ZFYVE16: variants seen among roughly 807,000 people sequenced by gnomAD.
ZFYVE16 encodes zinc finger FYVE-type containing 16, also known as zinc finger FYVE domain-containing protein 16.
In ZFYVE16, 89 loss-of-function variants were observed where a neutral mutation model predicts 138.1. The observed-to-expected ratio is 0.64, with a 90% CI of 0.54 to 0.77. The LOEUF (loss-of-function observed/expected upper bound fraction) is 0.77. ZFYVE16 is among the 30% of genes least tolerant of loss of function. ZFYVE16 has a pLI of 0.00. For synonymous variants in ZFYVE16, 596 were observed against 618.3 expected (o/e 0.96, Z 0.53); for missense variants, 1,793 against 1,786.7 (o/e 1.00, Z -0.06).
At chr5:80,456,312 A>G in intron 12 of ZFYVE16, 149 bp from the exon 13 acceptor site, 1 of 573,006 alleles carries the variant, frequency 1.7e-6, no homozygotes, top group Non-Finnish European at 3.0e-6. Flanking sequence ...AAGTTCTGTA[A>G]CTAGAAAGTT....
intron 5 of ZFYVE16, chr5:80,441,073 GTTGTT>G: frequency 3.0e-6 from 3 of 985,332 alleles, no homozygotes; most frequent in Non-Finnish European, 3.6e-6. Flanking sequence ...AGTGCTTATA[GTTGTT>G]TTGTTTTTTC....
At position 80,448,048 on chromosome 5, in the gene ZFYVE16, C is replaced by T; in HGVS notation, c.2747C>T (p.Ser916Phe). 1.9e-6 allele frequency: 3 copies of T among 1,607,438 alleles called. No homozygotes were observed. The highest frequency in any genetic ancestry group is 2.5e-6 in the Non-Finnish European group (3 of 1,176,942). Residue 916 changes from serine (S) to phenylalanine (F), a missense_variant, in exon 8 of 19, where the codon TCC becomes TTC. By Grantham distance (155) the Ser-to-Phe change is radical. Around this residue, in one of 2 missense-constraint regions of ZFYVE16, gnomAD observed 1,295 missense variants for 1,204.3 expected, o/e 1.08. Transcript: ENST00000505560. Reference sequence around the variant, plus strand: ...CAGACAGTAAACACAGTGGATCATTCCCATTCTACTACAGTGGAAAAGCCA... The same window carrying T: ...CAGACAGTAAACACAGTGGATCATTTCCATTCTACTACAGTGGAAAAGCCA... ...VPMTVNTVDH[S>F]HSTTVEKPNN...
chr5:80,434,207 A>G lies in ZFYVE16; in HGVS notation c.60A>G (p.Glu20=), dbSNP rs776158955. 2 of 1,613,372 alleles carry G rather than the reference A, an allele frequency of 1.2e-6. No individual in the cohort carries two copies. Among genetic ancestry groups the G allele is most frequent in the East Asian group, 2.2e-5 (1 of 44,814 alleles). ...SDLDKLLDDF[E]QNPDEQDYLQ... ...TGGACAAACTCCTTGATGATTTTGA[A>G]CAGAACCCAGGTTTGTTGATTTTCC... The change falls in exon 3 of 19, where the codon GAA becomes GAG. Residue 20 remains glutamate, a synonymous_variant. Transcript: ENST00000505560.
chr5:80,477,146 A>G, intron 18 of ZFYVE16, 73 bp from the exon 19 acceptor site: 2 of 1,244,086 alleles, frequency 1.6e-6, no homozygotes, highest in East Asian at 2.6e-5. Context: ...AAAATATTTC[A>G]CTTATTTTAT....
intron 12 of ZFYVE16, 78 bp downstream of exon 12, chr5:80,455,852 T>C: frequency 1.6e-6 from 2 of 1,231,344 alleles, no homozygotes; most frequent in Non-Finnish European, 2.2e-6. Flanking sequence ...TATACATTTA[T>C]ATTTTCCTAC....
intron 1 of ZFYVE16, among the ~76,000 whole-genome samples, chr5:80,425,842 A>G (rs568671412): frequency 6.6e-6 from 1 of 152,288 alleles, no homozygotes; most frequent in African/African-American, 2.4e-5. Context: ...TGATCCCACC[A>G]TTATAAAGTT....
intron 17 of ZFYVE16, among the ~76,000 whole-genome samples, chr5:80,474,154 A>AAAAT (rs1182773135): frequency 1.3e-5 from 2 of 152,232 alleles, no homozygotes; most frequent in African/African-American, 4.8e-5. Context: ...GATTTTATGA[A>AAAAT]AAATAAGATA....
At position 80,483,034 on chromosome 5, in the gene ZFYVE16, ATT is replaced by A. The variant is rs1030527770; in HGVS notation, c.*5663_*5664del. 6.6e-6 allele frequency: 1 copy of A among 151,980 alleles called. No homozygotes were observed. The highest frequency in any genetic ancestry group is 1.5e-5 in the Non-Finnish European group (1 of 68,012). 9.4% of individuals were successfully genotyped at this position (151,980 alleles called of 1,614,324 possible). ...AGGTGCGTGGTACCACGCCCAGCTA[ATT>A]TTTTTATGTTTGTAGTAGAGACGAG... On this transcript the variant is annotated 3_prime_UTR_variant, in exon 19 of 19. Coordinates refer to ENST00000505560, the MANE Select transcript of ZFYVE16 (RefSeq NM_001284236.3).
intron 1 of ZFYVE16, among the ~76,000 whole-genome samples, chr5:80,423,167 T>C (rs569903747): frequency 6.6e-6 from 1 of 152,312 alleles, no homozygotes; most frequent in South Asian, 2.1e-4. Context: ...GATTTATTTT[T>C]ATGGAACGTT....
rs961287575 is a variant in ZFYVE16 at position 80,449,819 on chromosome 5, T to C, written c.3226+106T>C. On this transcript the variant is annotated intron_variant, in intron 9 of 18. Transcript: ENST00000505560. ...TGGCCATGGTGAAAAATAAGCAGGA[T>C]TGGATATTGGTTTTTCAGCCACATA... 15 of 1,277,012 alleles carry C rather than the reference T, an allele frequency of 1.2e-5. No homozygotes were observed. The African/African-American group carries it at 1.2e-4, about 10-fold the overall frequency. 79.1% of individuals were successfully genotyped at this position (1,277,012 alleles called of 1,614,324 possible).
chr5:80,468,224 C>A (rs901588309), intron 15 of ZFYVE16, among the ~76,000 whole-genome samples: 2 of 152,168 alleles, frequency 1.3e-5, no homozygotes, highest in African/African-American at 4.8e-5. Flanking sequence ...GCACATTTTC[C>A]ATTTTCAGTG....
chr5:80,445,829 G>A (rs1232976208), intron 7 of ZFYVE16, among the ~76,000 whole-genome samples: 1 of 149,788 alleles, frequency 6.7e-6, no homozygotes, highest in East Asian at 2.0e-4. Flanking sequence ...CTGATCTTTA[G>A]TAATCCTCCC....
chr5:80,450,714 T>C (rs1384350623), intron 10 of ZFYVE16, 128 bp downstream of exon 10: 13 of 907,164 alleles, frequency 1.4e-5, no homozygotes, highest in Non-Finnish European at 2.1e-5. Flanking sequence ...TTTCTGAAAA[T>C]AGCTTAATAA....
intron 1 of ZFYVE16, among the ~76,000 whole-genome samples, chr5:80,419,538 T>C (rs750122189): frequency 6.6e-6 from 1 of 152,134 alleles, no homozygotes; most frequent in Non-Finnish European, 1.5e-5. Context: ...AGATTCTTTG[T>C]CTTTTCTTAT....
At chr5:80,439,201 C>A (rs1750372697) in intron 4 of ZFYVE16, among the ~76,000 whole-genome samples, 194 bp downstream of exon 4, 1 of 152,144 alleles carries the variant, frequency 6.6e-6, no homozygotes, top group Admixed American at 6.6e-5. Context: ...ATAAATGTTA[C>A]ATTGTCAGGG....
In ZFYVE16 at chr5:80,471,619, A is replaced by G. The variant is rs1754391028; in HGVS notation, c.4025-1142A>G. 3.3e-5 allele frequency among the ~76,000 whole-genome samples: 5 copies of G among 152,290 alleles called. No individual in the cohort carries two copies. The South Asian group carries it at 8.3e-4, about 25-fold the overall frequency. The stretch of plus-strand genomic sequence containing the variant: ...AAGGCGGTGACCCCCCGGACCCAGC[A>G]TTCACTATCTTTTGTGTGTCTATTA... On this transcript the variant is annotated intron_variant, in intron 15 of 18. Transcript: ENST00000505560.
chr5:80,440,704 G>GTGGT (rs34917385), intron 5 of ZFYVE16: 1 of 943,298 alleles, frequency 1.1e-6, no homozygotes, highest in African/African-American at 2.0e-5. Flanking sequence ...GTGTGTGTGT[G>GTGGT]GTGTTTTTTT....
chr5:80,462,271 TCA>T (rs1753202821), intron 15 of ZFYVE16, among the ~76,000 whole-genome samples: 1 of 152,206 alleles, frequency 6.6e-6, no homozygotes, highest in Non-Finnish European at 1.5e-5. Context: ...TTTAATTGAC[TCA>T]CAGTTCAGCG....
intron 1 of ZFYVE16, among the ~76,000 whole-genome samples, chr5:80,416,305 G>C (rs1427785777): frequency 7.0e-6 from 1 of 143,096 alleles, no homozygotes; most frequent in Non-Finnish European, 1.5e-5. Context: ...GCCCAGGCTG[G>C]AGTGCAGTGG....
Sources: allele counts gnomAD v4.1 joint callset (sites outside exome capture counted in the v4.1 genomes callset), GRCh38; gene constraint gnomAD v4.1.1; regional missense constraint gnomAD v4.1.1; transcripts MANE v1.5; gene names NCBI Gene and HGNC (gene_info 2026-07-23, HGNC 2026-07-21).